Variants in CCSER2 observed in about 807,000 individuals in gnomAD.
CCSER2 encodes the protein serine-rich coiled-coil domain-containing protein 2.
A neutral mutation model predicts 92.3 loss-of-function variants in CCSER2; 46 were observed. The observed-to-expected ratio is 0.50, with a 90% CI of 0.39 to 0.64. The LOEUF is 0.64. Among genes scored for constraint, CCSER2 ranks in the 30% least tolerant of loss-of-function variants. The pLI, the probability that CCSER2 is intolerant of heterozygous loss-of-function variation, is 0.00. For synonymous variants in CCSER2, 433 were observed against 431.4 expected (o/e 1.00, Z -0.04); for missense variants, 1,244 against 1,238.9 (o/e 1.00, Z -0.06).
chr10:84,341,974 T>C (rs1844214762), intron 1 of CCSER2, among the ~76,000 whole-genome samples: 1 of 152,224 alleles, frequency 6.6e-6, no homozygotes, highest in Non-Finnish European at 1.5e-5. Context: ...CTGAACCCTG[T>C]CCTTTTGGCC....
At chr10:84,406,470 G>A (rs928623478) in intron 3 of CCSER2, among the ~76,000 whole-genome samples, 1 of 152,160 alleles carries the variant, frequency 6.6e-6, no homozygotes, top group Non-Finnish European at 1.5e-5. Context: ...GAGGAGATAT[G>A]TGTGAAGGAA....
intron 5 of CCSER2, among the ~76,000 whole-genome samples, chr10:84,432,185 A>C (rs1179988078): frequency 6.6e-6 from 1 of 152,176 alleles, no homozygotes; most frequent in Non-Finnish European, 1.5e-5. Context: ...CTTATTTGCC[A>C]TCTGTATATC....
At chr10:84,340,865 T>C (rs141425905) in intron 1 of CCSER2, among the ~76,000 whole-genome samples, 279 of 152,168 alleles carry the variant, frequency 1.8e-3, no homozygotes, top group Non-Finnish European at 1.9e-3. Flanking sequence ...GTTCCCGACT[T>C]GTTAGTGTTA....
At chr10:84,349,459 G>A (rs1844742204) in intron 1 of CCSER2, among the ~76,000 whole-genome samples, 1 of 151,984 alleles carries the variant, frequency 6.6e-6, no homozygotes, top group South Asian at 2.1e-4. Context: ...TTGAGCTCCG[G>A]AGTTCGAGAC....
chr10:84,457,302 A>G (rs1288554272), intron 6 of CCSER2, among the ~76,000 whole-genome samples: 1 of 64,696 alleles, frequency 1.5e-5, no homozygotes, highest in Non-Finnish European at 2.8e-5. Flanking sequence ...ATTATATATA[A>G]TATGTTATAT....
chr10:84,432,181 T>G (rs1296555531), intron 5 of CCSER2, among the ~76,000 whole-genome samples: 7 of 152,272 alleles, frequency 4.6e-5, no homozygotes, highest in Admixed American at 4.6e-4. Flanking sequence ...CATGCTTATT[T>G]GCCATCTGTA....
chr10:84,346,525 T>C (rs1589403861), intron 1 of CCSER2, among the ~76,000 whole-genome samples: 1 of 152,096 alleles, frequency 6.6e-6, no homozygotes, highest in South Asian at 2.1e-4. Flanking sequence ...GATACCCAGC[T>C]AAACCATGGG....
chr10:84,375,531 GT>G (rs1021662322), intron 3 of CCSER2, among the ~76,000 whole-genome samples: 1 of 93,864 alleles, frequency 1.1e-5, no homozygotes, highest in African/African-American at 3.8e-5. Flanking sequence ...AGAATTGTTG[GT>G]TTGTTTTTTT....
intron 9 of CCSER2, among the ~76,000 whole-genome samples, chr10:84,505,421 T>C (rs1362469398): frequency 1.3e-5 from 2 of 152,172 alleles, no homozygotes; most frequent in African/African-American, 4.8e-5. Flanking sequence ...TGTTGAATTG[T>C]CAAACATGCT....
chr10:84,438,575 C>T lies in CCSER2; in HGVS notation c.1932C>T (p.Phe644=). 1 of 1,613,522 alleles carries T rather than the reference C, an allele frequency of 6.2e-7. No homozygotes were observed. Among genetic ancestry groups the T allele is most frequent in the South Asian group, 1.1e-5 (1 of 91,038 alleles). The change falls in exon 6 of 10, where the codon TTC becomes TTT. Residue 644 remains phenylalanine (F), a synonymous_variant. Coordinates refer to ENST00000372088, the MANE Select transcript of CCSER2 (RefSeq NM_001284240.2). Reference sequence around the variant, plus strand: ...AAAGCTATGGAGGGATGCCCTTTTTCCAGGCTCAGAAGATGTTTGTTGATG... The same window carrying T: ...AAAGCTATGGAGGGATGCCCTTTTTTCAGGCTCAGAAGATGTTTGTTGATG... ...HFESYGGMPF[F]QAQKMFVDVP...
intron 9 of CCSER2, among the ~76,000 whole-genome samples, chr10:84,478,532 G>A (rs1847283680): frequency 6.6e-6 from 1 of 152,128 alleles, no homozygotes; most frequent in Non-Finnish European, 1.5e-5. Context: ...TTATAAAAGA[G>A]TTTTGTTTCT....
chr10:84,514,205 C>A lies in CCSER2; in HGVS notation c.3082C>A (p.His1028Asn), dbSNP rs779348546. 6.5e-7 allele frequency: 1 copy of A among 1,536,476 alleles called. No individual in the cohort carries two copies. The highest frequency in any genetic ancestry group is 8.7e-7 in the Non-Finnish European group (1 of 1,146,948). Residue 1028 changes from histidine to asparagine, a missense_variant, in exon 10 of 10, where the codon CAT becomes AAT. Coordinates refer to ENST00000372088, the MANE Select transcript of CCSER2 (RefSeq NM_001284240.2). ...CATGCAGAATCCAAATGGCAATTTG[C>A]ATTCTGGGGATTGTTTGGCCTCTAA... The part of the protein sequence containing the change: ...EIMQNPNGNL[H>N]SGDCLASNRY...
At chr10:84,440,075 C>T (rs1844431741) in intron 6 of CCSER2, among the ~76,000 whole-genome samples, 2 of 152,214 alleles carry the variant, frequency 1.3e-5, no homozygotes, top group South Asian at 2.1e-4. Context: ...GCTAATAAGA[C>T]CAGGCCACTT....
chr10:84,416,096 C>T (rs569602483), intron 3 of CCSER2, among the ~76,000 whole-genome samples: 19 of 152,212 alleles, frequency 1.2e-4, no homozygotes, highest in Non-Finnish European at 1.2e-4. Flanking sequence ...GAGAGGATCT[C>T]CTTATCCTCT....
Position 84,513,986 on chromosome 10 carries a change from A to G in CCSER2, c.2863A>G (p.Thr955Ala). ...TTGTAAAAAGTCACCAATAATCACA[A>G]CATGTAATTCAGCAAAACTTCAGCC... ...PTCKKSPIITTCNSAKLQPTS... is the reference protein window; with the variant it reads ...PTCKKSPIITACNSAKLQPTS... The change falls in exon 10 of 10, where the codon ACA becomes GCA. Residue 955 changes from threonine to alanine, a missense_variant. Thr to Ala is a moderately conservative substitution (Grantham distance 58). Transcript: ENST00000372088. The G allele has an allele frequency of 3.3e-6, 5 of 1,536,682 alleles. No homozygotes were observed. The highest frequency in any genetic ancestry group is 4.4e-6 in the Non-Finnish European group (5 of 1,147,028).
chr10:84,470,602 G>T (rs1394682792), intron 8 of CCSER2, 144 bp downstream of exon 8: 1 of 500,492 alleles, frequency 2.0e-6, no homozygotes, highest in East Asian at 5.7e-5. Flanking sequence ...TATATGCACT[G>T]TAATAAAAGT....
intron 6 of CCSER2, among the ~76,000 whole-genome samples, chr10:84,461,406 C>A (rs1846091943): frequency 6.6e-6 from 1 of 152,152 alleles, no homozygotes; most frequent in African/African-American, 2.4e-5. Context: ...CCCTATCCTT[C>A]TGTGACTTCA....
At chr10:84,367,440 G>A (rs556013018) in intron 1 of CCSER2, among the ~76,000 whole-genome samples, 71 of 150,878 alleles carry the variant, frequency 4.7e-4, no homozygotes, top group African/African-American at 1.7e-3. Flanking sequence ...GCAGTGGCTT[G>A]ATCACGGCTC....
chr10:84,391,890 T>G lies in CCSER2; in HGVS notation c.1614+18075T>G, dbSNP rs767931218. ...ATTTTATATTTTTTTGTGATGCTGT[T>G]GCATCATGGATTAACCCAAAAGATG... On this transcript the variant is annotated intron_variant, in intron 3 of 9. Coordinates refer to ENST00000372088, the MANE Select transcript of CCSER2 (RefSeq NM_001284240.2). 4 of 1,358,026 alleles carry G rather than the reference T, an allele frequency of 2.9e-6. No homozygotes were observed. The African/African-American group carries it at 5.7e-5, about 19-fold the overall frequency. 84.1% of individuals were successfully genotyped at this position (1,358,026 alleles called of 1,614,324 possible). A position where few individuals can be genotyped will look rare whatever the true frequency, so the allele number is the denominator to read the frequency against.
Sources: gnomAD v4.1 joint callset for allele counts (sites outside exome capture counted in the v4.1 genomes callset) on GRCh38, gnomAD v4.1.1 for gene constraint, MANE v1.5 for transcripts, NCBI Gene and HGNC (gene_info 2026-07-23, HGNC 2026-07-21) for gene names.